ABCC1: variants seen among roughly 807,000 people sequenced by gnomAD.
ABCC1 encodes the protein multidrug resistance-associated protein 1.
ABCC1 carries 83 observed loss-of-function variants against 172.9 expected under a neutral mutation model. That is an observed-to-expected ratio of 0.48 (90% CI 0.40 to 0.58). ABCC1 has a LOEUF of 0.58. Among genes scored for constraint, ABCC1 ranks in the 20% least tolerant of loss-of-function variants. ABCC1 has a pLI of 0.00. For missense variants in ABCC1, 1,817 were observed against 2,002.7 expected (o/e 0.91, Z 1.77); for synonymous variants, 937 against 825.2 (o/e 1.14, Z -2.32).
chr16:16,038,634 C>T (rs1326411548), intron 7 of ABCC1, among the ~76,000 whole-genome samples: 1 of 152,170 alleles, frequency 6.6e-6, no homozygotes, highest in Non-Finnish European at 1.5e-5. Context: ...CTCACAGACA[C>T]ACCCAGAAAT....
intron 21 of ABCC1, among the ~76,000 whole-genome samples, chr16:16,109,177 TG>T (rs2052278339): frequency 1.3e-5 from 2 of 152,118 alleles, no homozygotes; most frequent in Admixed American, 1.3e-4. Context: ...AGATGATTTT[TG>T]TTTTTTTTTC....
intron 10 of ABCC1, among the ~76,000 whole-genome samples, chr16:16,048,871 T>A (rs530149308): frequency 5.9e-5 from 9 of 152,052 alleles, no homozygotes; most frequent in Admixed American, 5.9e-4. Flanking sequence ...TAATGCCAGC[T>A]ACCTGGGAGG....
chr16:16,133,397 TTTTTG>T (rs913801355), intron 27 of ABCC1, among the ~76,000 whole-genome samples: 34 of 148,896 alleles, frequency 2.3e-4, no homozygotes, highest in African/African-American at 4.4e-4. Flanking sequence ...TTTGTTTTTG[TTTTTG>T]TTTTGTTTTG....
At chr16:16,107,359 G>A (rs547094700) in intron 21 of ABCC1, among the ~76,000 whole-genome samples, 3 of 152,058 alleles carry the variant, frequency 2.0e-5, no homozygotes, top group African/African-American at 7.2e-5. Context: ...GTGCGATCTC[G>A]GCTCACTACA....
At chr16:16,058,164 A>G (rs1384707542) in intron 12 of ABCC1, among the ~76,000 whole-genome samples, 1 of 152,176 alleles carries the variant, frequency 6.6e-6, no homozygotes, top group Admixed American at 6.5e-5. Context: ...GCAACTTACA[A>G]TTTGCAAAGT....
At chr16:16,126,628 G>A (rs1238902283) in intron 26 of ABCC1, among the ~76,000 whole-genome samples, 3 of 152,008 alleles carry the variant, frequency 2.0e-5, no homozygotes, top group African/African-American at 4.8e-5. Flanking sequence ...CAGGTGATCC[G>A]CCTGCCTCAG....
At chr16:16,074,143 AC>A (rs371654951) in intron 14 of ABCC1, among the ~76,000 whole-genome samples, 20 of 152,036 alleles carry the variant, frequency 1.3e-4, no homozygotes, top group African/African-American at 4.8e-4. Context: ...GTGGTTGGGG[AC>A]TGTCCTGTGC....
Position 16,008,002 on chromosome 16 carries a change from TG to T in ABCC1, c.225+16del. 1.6e-5 allele frequency: 9 copies of T among 578,028 alleles called. No individual in the cohort carries two copies. Among genetic ancestry groups the T allele is most frequent in the East Asian group, 7.6e-5 (1 of 13,232 alleles). The allele number at this position is 578,028 out of a possible 1,614,324, so 35.8% of individuals were successfully genotyped here. A position where few individuals can be genotyped will look rare whatever the true frequency, so the allele number is the denominator to read the frequency against. On this transcript the variant is annotated intron_variant, in intron 2 of 30. Coordinates refer to ENST00000399410, the MANE Select transcript of ABCC1 (RefSeq NM_004996.4). Reference sequence around the variant, plus strand: ...CAACAAAACCAAAACTGTAAGTCACTGGGGGGTTTCGTTGTGGGGGGTGGGA... The same window carrying T: ...CAACAAAACCAAAACTGTAAGTCACTGGGGGTTTCGTTGTGGGGGGTGGGA...
At chr16:16,060,863 C>T (rs1189778773) in intron 12 of ABCC1, among the ~76,000 whole-genome samples, 1 of 152,020 alleles carries the variant, frequency 6.6e-6, no homozygotes, top group Non-Finnish European at 1.5e-5. Context: ...TCTCGCCAGG[C>T]TGGAGTGCAT....
intron 26 of ABCC1, among the ~76,000 whole-genome samples, chr16:16,126,248 G>A (rs1239494845): frequency 6.6e-6 from 1 of 152,160 alleles, no homozygotes; most frequent in Non-Finnish European, 1.5e-5. Flanking sequence ...TCTTAGTCTG[G>A]GGCTAGCAGG....
chr16:16,113,717 G>T (rs1406949855), intron 22 of ABCC1, among the ~76,000 whole-genome samples: 1 of 152,202 alleles, frequency 6.6e-6, no homozygotes, highest in Non-Finnish European at 1.5e-5. Flanking sequence ...CAAGTGCTCA[G>T]TAGCCATCAT....
chr16:15,994,918 G>A (rs537617812), intron 1 of ABCC1, among the ~76,000 whole-genome samples: 80 of 151,662 alleles, frequency 5.3e-4, no homozygotes, highest in African/African-American at 1.8e-3. Flanking sequence ...AGATCATGAG[G>A]TCAGAAATGT....
intron 15 of ABCC1, among the ~76,000 whole-genome samples, chr16:16,076,648 G>T (rs1596467099): frequency 6.6e-6 from 1 of 152,204 alleles, no homozygotes; most frequent in Admixed American, 6.5e-5. Flanking sequence ...GCCTTGGACA[G>T]CTAGACTTAG....
At chr16:16,087,195 G>T (rs990088664) in intron 18 of ABCC1, among the ~76,000 whole-genome samples, 1 of 152,134 alleles carries the variant, frequency 6.6e-6, no homozygotes, top group East Asian at 1.9e-4. Flanking sequence ...AGTCCTCCGC[G>T]CAGAGTTAAA....
chr16:16,105,417 A>T (rs536799857), intron 20 of ABCC1: 1 of 152,156 alleles, frequency 6.6e-6, no homozygotes, highest in Non-Finnish European at 1.5e-5. Context: ...GGCCACTTCC[A>T]CCTCACTAGG....
intron 13 of ABCC1, among the ~76,000 whole-genome samples, chr16:16,070,619 T>C (rs1271278772): frequency 6.6e-6 from 1 of 152,032 alleles, no homozygotes; most frequent in Non-Finnish European, 1.5e-5. Flanking sequence ...GAGCCGAGAT[T>C]GCGCCACTGC....
chr16:15,996,954 G>A (rs907368475), intron 1 of ABCC1, among the ~76,000 whole-genome samples: 5 of 152,186 alleles, frequency 3.3e-5, no homozygotes, highest in African/African-American at 9.7e-5. Context: ...GGGGCCACTC[G>A]GACTTGGACG....
intron 28 of ABCC1, among the ~76,000 whole-genome samples, 186 bp downstream of exon 28, chr16:16,134,694 TGGCGCAATCTCAGCTCACTGCAACCTCC>T (rs1438119205): frequency 6.9e-6 from 1 of 144,258 alleles, no homozygotes; most frequent in Non-Finnish European, 1.5e-5. Flanking sequence ...TGGAGTGCGC[TGGCGCAATCTCAGCTCACTGCAACCTCC>T]GTCTCCCAGG....
At chr16:16,108,269 GTGTCTTTTT>G in intron 21 of ABCC1, among the ~76,000 whole-genome samples, 1 of 106,092 alleles carries the variant, frequency 9.4e-6, no homozygotes, top group African/African-American at 3.4e-5. Flanking sequence ...TCGTTTCTTT[GTGTCTTTTT>G]TTTTTTTTTT....
Sources: allele counts gnomAD v4.1 joint callset (sites outside exome capture counted in the v4.1 genomes callset), GRCh38; gene constraint gnomAD v4.1.1; transcripts MANE v1.5; gene names NCBI Gene and HGNC (gene_info 2026-07-23, HGNC 2026-07-21).